The following SLIT3 variants were observed in gnomAD, a reference collection of about 807,000 sequenced individuals.
The protein encoded by SLIT3 is slit guidance ligand 3.
In SLIT3, 68 loss-of-function variants were observed where a neutral mutation model predicts 184.0. The ratio of observed to expected loss-of-function variants is 0.37; its 90% CI spans 0.30 to 0.45. SLIT3 has a LOEUF of 0.45. Among genes scored for constraint, SLIT3 ranks in the 20% least tolerant of loss-of-function variants. The pLI, the probability that SLIT3 is intolerant of heterozygous loss-of-function variation, is 1.00. For missense variants in SLIT3, 1,707 were observed against 2,026.0 expected (o/e 0.84, Z 3.02); for synonymous variants, 831 against 828.6 (o/e 1.00, Z -0.05).
At chr5:168,868,323 C>G (rs1163706682) in intron 5 of SLIT3, among the ~76,000 whole-genome samples, 1 of 152,178 alleles carries the variant, frequency 6.6e-6, no homozygotes, top group African/African-American at 2.4e-5. Context: ...TCAGGTCTCA[C>G]TGTGTTGCCC....
intron 3 of SLIT3, among the ~76,000 whole-genome samples, chr5:169,213,919 A>G (rs1224624427): frequency 6.6e-6 from 1 of 152,238 alleles, no homozygotes; most frequent in African/African-American, 2.4e-5. Flanking sequence ...AAGGAGAAAG[A>G]GGTGTGGAAT....
Position 168,665,838 on chromosome 5 carries a change from C to G in SLIT3, c.*616G>C, listed in dbSNP as rs1761016938. ...TGAGTGGCAGTGAGACTGAGAAGGCCAGGGCTCAGCAGCTTTTCCTGGAAG... is the reference window on the plus strand; with the variant it reads ...TGAGTGGCAGTGAGACTGAGAAGGCGAGGGCTCAGCAGCTTTTCCTGGAAG... On this transcript the variant is annotated 3_prime_UTR_variant, in exon 36 of 36. Coordinates refer to ENST00000519560, the MANE Select transcript of SLIT3 (RefSeq NM_003062.4). 1 of 152,272 alleles carries G rather than the reference C, an allele frequency of 6.6e-6. No individual in the cohort carries two copies. The highest frequency in any genetic ancestry group is 1.5e-5 in the Non-Finnish European group (1 of 68,092). The allele number at this position is 152,272 out of a possible 1,614,324, so 9.4% of individuals were successfully genotyped here.
intron 4 of SLIT3, among the ~76,000 whole-genome samples, chr5:169,032,055 C>G (rs1052600171): frequency 1.3e-5 from 2 of 152,132 alleles, no homozygotes; most frequent in Non-Finnish European, 2.9e-5. Context: ...TAACGTAGGA[C>G]AGGCCACATA....
At chr5:169,088,928 G>C (rs533448503) in intron 4 of SLIT3, among the ~76,000 whole-genome samples, 1 of 146,628 alleles carries the variant, frequency 6.8e-6, no homozygotes, top group Non-Finnish European at 1.5e-5. Flanking sequence ...GCTGAGGCAG[G>C]AGAATCGCTC....
intron 3 of SLIT3, among the ~76,000 whole-genome samples, chr5:169,216,061 C>T (rs1031755769): frequency 3.3e-5 from 5 of 152,172 alleles, no homozygotes; most frequent in Admixed American, 6.5e-5. Flanking sequence ...CTGTGCCTTG[C>T]CCTTGGCCAA....
chr5:169,255,116 C>G (rs1183807420), intron 1 of SLIT3, among the ~76,000 whole-genome samples: 3 of 152,140 alleles, frequency 2.0e-5, no homozygotes, highest in African/African-American at 4.8e-5. Context: ...CAGTTGTATG[C>G]AAGTACAGCA....
At chr5:169,257,791 G>A (rs1052673447) in intron 1 of SLIT3, among the ~76,000 whole-genome samples, 2 of 151,946 alleles carry the variant, frequency 1.3e-5, no homozygotes, top group Non-Finnish European at 2.9e-5. Context: ...CTGACCTCAG[G>A]TGATCTGCCC....
Position 168,742,930 on chromosome 5 carries a change from T to C in SLIT3, c.2270+5372A>G, listed in dbSNP as rs185620658. Among the ~76,000 whole-genome samples the C allele has an allele frequency of 1.1e-4, 16 of 151,976 alleles. No homozygotes were observed. In the East Asian group the frequency reaches 3.1e-3, roughly 30 times the overall value. ...GATCCCAAGGTCAAGAGATCGAGACTATCCTGGCCAACAGGGTGAAACACC... is the reference window on the plus strand; with the variant it reads ...GATCCCAAGGTCAAGAGATCGAGACCATCCTGGCCAACAGGGTGAAACACC... On this transcript the variant is annotated intron_variant, in intron 20 of 35. Coordinates refer to ENST00000519560, the MANE Select transcript of SLIT3 (RefSeq NM_003062.4).
chr5:168,888,994 A>G (rs1424455563), intron 4 of SLIT3, among the ~76,000 whole-genome samples: 2 of 152,176 alleles, frequency 1.3e-5, no homozygotes, highest in Admixed American at 6.5e-5. Flanking sequence ...CAATACTACC[A>G]TCTTACATAA....
chr5:168,989,665 G>C (rs1364543283), intron 4 of SLIT3, among the ~76,000 whole-genome samples: 1 of 152,158 alleles, frequency 6.6e-6, no homozygotes, highest in Non-Finnish European at 1.5e-5. Flanking sequence ...GTGCAAAGCA[G>C]GGCAAAGACC....
At chr5:169,170,749 T>A (rs1762791736) in intron 4 of SLIT3, among the ~76,000 whole-genome samples, 1 of 150,108 alleles carries the variant, frequency 6.7e-6, no homozygotes, top group African/African-American at 2.4e-5. Context: ...AAAAATGGTA[T>A]GGGCCAAACA....
intron 14 of SLIT3, among the ~76,000 whole-genome samples, chr5:168,765,322 A>G (rs903019764): frequency 6.6e-6 from 1 of 152,186 alleles, no homozygotes; most frequent in Non-Finnish European, 1.5e-5. Context: ...TTTTAATGAA[A>G]TGATTTTGCA....
intron 4 of SLIT3, among the ~76,000 whole-genome samples, chr5:168,934,778 T>C (rs1034152583): frequency 6.6e-6 from 1 of 152,066 alleles, no homozygotes; most frequent in Non-Finnish European, 1.5e-5. Flanking sequence ...TGAACACTTA[T>C]TGTGGGTCAG....
intron 25 of SLIT3, among the ~76,000 whole-genome samples, chr5:168,709,342 C>T (rs373978584): frequency 7.2e-5 from 11 of 152,172 alleles, no homozygotes; most frequent in East Asian, 5.8e-4. Context: ...GTGATCTGCC[C>T]GCCTCAGCCT....
At chr5:168,856,549 C>A (rs1758875630) in intron 5 of SLIT3, among the ~76,000 whole-genome samples, 1 of 152,062 alleles carries the variant, frequency 6.6e-6, no homozygotes, top group Admixed American at 6.5e-5. Flanking sequence ...ACTCAAGATT[C>A]AGGGGGGAAA....
At chr5:169,048,335 A>G (rs1398615803) in intron 4 of SLIT3, among the ~76,000 whole-genome samples, 3 of 152,208 alleles carry the variant, frequency 2.0e-5, no homozygotes. Flanking sequence ...CATTCTCATA[A>G]CAAACCAGGC....
At chr5:169,226,376 C>T (rs1461291294) in intron 3 of SLIT3, among the ~76,000 whole-genome samples, 1 of 151,918 alleles carries the variant, frequency 6.6e-6, no homozygotes, top group African/African-American at 2.4e-5. Context: ...CAGGATTGAA[C>T]AAAAAGTGGC....
At chr5:168,695,356 T>C (rs1409824403) in intron 28 of SLIT3, among the ~76,000 whole-genome samples, 3 of 152,230 alleles carry the variant, frequency 2.0e-5, no homozygotes, top group Non-Finnish European at 4.4e-5. Flanking sequence ...AGCTCTGAGA[T>C]CAGATAAGTT....
chr5:168,975,003 C>A (rs936729104), intron 4 of SLIT3, among the ~76,000 whole-genome samples: 1 of 152,186 alleles, frequency 6.6e-6, no homozygotes, highest in African/African-American at 2.4e-5. Context: ...CTCCCAAGAT[C>A]GACCACACAT....
Sources: allele counts gnomAD v4.1 joint callset (sites outside exome capture counted in the v4.1 genomes callset), GRCh38; gene constraint gnomAD v4.1.1; transcripts MANE v1.5; gene names NCBI Gene and HGNC (gene_info 2026-07-23, HGNC 2026-07-21).